Variants in TEX15 observed in about 807,000 individuals in gnomAD.
TEX15 encodes the protein testis-expressed protein 15.
TEX15 carries 171 observed loss-of-function variants against 237.3 expected under a neutral mutation model. The ratio of observed to expected loss-of-function variants is 0.72; its 90% CI spans 0.64 to 0.82. TEX15 has a LOEUF of 0.82. Among genes scored for constraint, TEX15 ranks in the 40% least tolerant of loss-of-function variants. The probability of loss-of-function intolerance (pLI) is 0.00; values close to 1 mark genes in which losing one functional copy is unlikely to be tolerated. For missense variants in TEX15, 3,750 were observed against 3,646.5 expected (o/e 1.03, Z -0.73); for synonymous variants, 1,338 against 1,269.8 (o/e 1.05, Z -1.14).
chr8:30,877,725 G>C (rs1353437732), intron 3 of TEX15, among the ~76,000 whole-genome samples: 1 of 152,056 alleles, frequency 6.6e-6, no homozygotes, highest in Non-Finnish European at 1.5e-5. Context: ...CCTTAACCCA[G>C]TTTCCTCCAG....
chr8:30,872,741 T>G (rs1262549261), intron 4 of TEX15, among the ~76,000 whole-genome samples: 5 of 151,794 alleles, frequency 3.3e-5, no homozygotes, highest in Non-Finnish European at 5.9e-5. Flanking sequence ...AATAAAGAGT[T>G]CTAAAAGTTA....
Position 30,842,658 on chromosome 8 carries a change from T to A in TEX15, c.7509A>T (p.Thr2503=), listed in dbSNP as rs749208127. The A allele has an allele frequency of 4.3e-6, 7 of 1,612,488 alleles. No homozygotes were observed. The South Asian group carries it at 7.7e-5, about 18-fold the overall frequency. ...CTATCACTTTCCAAAGGCAAACATC[T>A]GTTGAGTTATCTTTAAGAAATGAAA... ...ASFSFLKDNS[T]DVCLWKVIET... The change falls in exon 8 of 11, where the codon ACA becomes ACT. Residue 2503 remains threonine, a synonymous_variant. Coordinates refer to ENST00000643185, the MANE Select transcript of TEX15 (RefSeq NM_001350162.2).
At position 30,837,034 on chromosome 8, in the gene TEX15, C is replaced by A. The variant is rs1807318692; in HGVS notation, c.9250G>T (p.Ala3084Ser). 6.2e-7 allele frequency: 1 copy of A among 1,614,132 alleles called. No individual in the cohort carries two copies. Among genetic ancestry groups the A allele is most frequent in the Non-Finnish European group, 8.5e-7 (1 of 1,180,012 alleles). Residue 3084 changes from alanine to serine, a missense_variant, in exon 10 of 11, where the codon GCC becomes TCC. Ala to Ser is a moderately conservative substitution (Grantham distance 99). Transcript: ENST00000643185. ...AGAAGATTAGAATGTGTGCCCTGGG[C>A]AGTACTTGCAACTGTGGTCAACAGC... Reference protein sequence around the residue: ...SGLLTTVASTAQGTHSNLLYS... With the variant: ...SGLLTTVASTSQGTHSNLLYS...
intron 1 of TEX15, among the ~76,000 whole-genome samples, chr8:30,902,695 G>T (rs1026342100): frequency 3.9e-5 from 6 of 152,196 alleles, no homozygotes; most frequent in African/African-American, 1.4e-4. Context: ...GTGTGTATCA[G>T]AATCACCTAG....
chr8:30,902,409 T>C lies in TEX15; in HGVS notation c.-85-3592A>G, dbSNP rs149266673. ...GGGGGAGGGCAGGAAGGGGGGAAGA[T>C]AGGCATTCAATTAACAAATTATCCA... On this transcript the variant is annotated intron_variant, in intron 1 of 10. Coordinates refer to ENST00000643185, the MANE Select transcript of TEX15 (RefSeq NM_001350162.2). Among the ~76,000 whole-genome samples the C allele has an allele frequency of 6.4e-4, 98 of 152,180 alleles. No individual in the cohort carries two copies. In the East Asian group the frequency reaches 0.016, roughly 25 times the overall value.
rs1182147486 is a variant in TEX15 at position 30,875,118 on chromosome 8, G to A, written c.137-16C>T. The A allele has an allele frequency of 5.7e-6, 7 of 1,232,832 alleles. No individual in the cohort carries two copies. Among genetic ancestry groups the A allele is most frequent in the Non-Finnish European group, 7.1e-6 (7 of 985,294 alleles). 76.4% of individuals were successfully genotyped at this position (1,232,832 alleles called of 1,614,324 possible). On this transcript the variant is annotated splice_polypyrimidine_tract_variant and intron_variant, in intron 3 of 10. Coordinates refer to ENST00000643185, the MANE Select transcript of TEX15 (RefSeq NM_001350162.2). ...GACAAGTAAACTAAAGGTAGAAAAA[G>A]AGAAAGCAGTTGTATTTAAAATGAC...
Position 30,897,096 on chromosome 8 carries a change from T to A in TEX15, c.-10+1646A>T, listed in dbSNP as rs551327418. Among the ~76,000 whole-genome samples, 39 of 152,276 alleles carry A rather than the reference T, an allele frequency of 2.6e-4. 1 individual carries two copies. The highest frequency in any genetic ancestry group is 1.9e-3 in the South Asian group (9 of 4,828). On this transcript the variant is annotated intron_variant, in intron 2 of 10. Coordinates refer to ENST00000643185, the MANE Select transcript of TEX15 (RefSeq NM_001350162.2). Reference sequence around the variant, plus strand: ...CTTTACAAAATCGGGTTGAAAAAAATTTTTTTGAAAGGATTTATGAAATAA... The same window carrying A: ...CTTTACAAAATCGGGTTGAAAAAAAATTTTTTGAAAGGATTTATGAAATAA...
intron 1 of TEX15, among the ~76,000 whole-genome samples, chr8:30,903,734 G>A (rs947548923): frequency 2.6e-5 from 4 of 152,156 alleles, no homozygotes; most frequent in Non-Finnish European, 4.4e-5. Context: ...TACTGATAGC[G>A]AAAAACTGAG....
At chr8:30,839,597 C>A (rs558317131) in intron 9 of TEX15, among the ~76,000 whole-genome samples, 43 of 152,166 alleles carry the variant, frequency 2.8e-4, no homozygotes, top group African/African-American at 1.0e-3. Context: ...AACAATCACC[C>A]TTTTCTAAGC....
intron 3 of TEX15, among the ~76,000 whole-genome samples, chr8:30,884,444 C>A (rs1044939760): frequency 6.6e-6 from 1 of 152,144 alleles, no homozygotes; most frequent in Non-Finnish European, 1.5e-5. Context: ...CTAGTACTCA[C>A]CAGTGAACCT....
chr8:30,911,125 T>C (rs1809207150), intron 1 of TEX15, among the ~76,000 whole-genome samples: 1 of 152,164 alleles, frequency 6.6e-6, no homozygotes, highest in South Asian at 2.1e-4. Context: ...TACCACTTTA[T>C]TTTTATTTTT....
At position 30,848,998 on chromosome 8, in the gene TEX15, T is replaced by A. The variant is rs757465945; in HGVS notation, c.1169A>T (p.Asp390Val). The A allele has an allele frequency of 2.5e-6, 4 of 1,614,182 alleles. No homozygotes were observed. The South Asian group carries it at 3.3e-5, about 13-fold the overall frequency. Residue 390 changes from aspartate to valine, a missense_variant, in exon 8 of 11, where the codon GAC becomes GTC. Coordinates refer to ENST00000643185, the MANE Select transcript of TEX15 (RefSeq NM_001350162.2). ...TAACAAAAGGTCACCATTAACACTG[T>A]CTTTGGCATCACTGGGCATAAGTGA... ...DISLMPSDAK[D>V]SVNGDLLLNW... is the part of the protein sequence containing the mutation.
At chr8:30,908,453 T>C (rs566790393) in intron 1 of TEX15, among the ~76,000 whole-genome samples, 25 of 152,358 alleles carry the variant, frequency 1.6e-4, no homozygotes, top group Non-Finnish European at 2.8e-4. Flanking sequence ...TTTGCCTATA[T>C]ATCTCCTTTA....
At chr8:30,854,417 C>G (rs981144769) in intron 7 of TEX15, among the ~76,000 whole-genome samples, 1 of 151,852 alleles carries the variant, frequency 6.6e-6, no homozygotes, top group African/African-American at 2.4e-5. Context: ...TCCAATAAAA[C>G]CAGAAAGTAC....
intron 4 of TEX15, among the ~76,000 whole-genome samples, chr8:30,868,469 G>C (rs1364450818): frequency 6.6e-6 from 1 of 151,972 alleles, no homozygotes; most frequent in African/African-American, 2.4e-5. Context: ...AATTGTTCTT[G>C]AGAACCACAT....
At chr8:30,906,363 A>C (rs989982083) in intron 1 of TEX15, among the ~76,000 whole-genome samples, 21 of 152,044 alleles carry the variant, frequency 1.4e-4, no homozygotes, top group African/African-American at 5.1e-4. Flanking sequence ...AAGTGGGAGG[A>C]TCATGAGGTC....
chr8:30,847,869 C>T lies in TEX15; in HGVS notation c.2298G>A (p.Pro766=), dbSNP rs751115105. ...TGGCCTGGGGTATGTCTTTTGGTTT[C>T]GGGAAAGCTTCAGTTATAATGCTAG... ...NYASIITEAF[P]KPKDIPQAKE... is the part of the protein sequence containing the mutation. The change falls in exon 8 of 11, where the codon CCG becomes CCA. Residue 766 remains proline (P), a synonymous_variant. Coordinates refer to ENST00000643185, the MANE Select transcript of TEX15 (RefSeq NM_001350162.2). The T allele has an allele frequency of 2.6e-5, 42 of 1,613,666 alleles. No individual in the cohort carries two copies. Among genetic ancestry groups the T allele is most frequent in the Middle Eastern group, 1.6e-4 (1 of 6,082 alleles).
At chr8:30,858,897 T>TA in intron 6 of TEX15, 67 bp from the exon 7 acceptor site, 1 of 1,155,558 alleles carries the variant, frequency 8.7e-7, no homozygotes, top group Non-Finnish European at 1.2e-6. Context: ...CTCATATTTT[T>TA]AAAAAATCAA....
chr8:30,855,811 G>A (rs956626160), intron 7 of TEX15, among the ~76,000 whole-genome samples: 4 of 152,124 alleles, frequency 2.6e-5, no homozygotes, highest in African/African-American at 9.7e-5. Context: ...ACATTGTTAA[G>A]TGAAAGAAAT....
Sources: gnomAD v4.1 joint callset for allele counts (sites outside exome capture counted in the v4.1 genomes callset) on GRCh38, gnomAD v4.1.1 for gene constraint, MANE v1.5 for transcripts, NCBI Gene and HGNC (gene_info 2026-07-23, HGNC 2026-07-21) for gene names.